NTN1: variants seen among roughly 807,000 people sequenced by gnomAD.
The protein encoded by NTN1 is netrin-1.
Under a neutral mutation model 54.2 loss-of-function variants are expected in NTN1, and 11 were observed. The ratio of observed to expected loss-of-function variants is 0.20; its 90% CI spans 0.13 to 0.34. The LOEUF (loss-of-function observed/expected upper bound fraction) is 0.34, where lower values mean the gene tolerates loss of function less well. Among genes scored for constraint, NTN1 ranks in the 10% least tolerant of loss-of-function variants. NTN1 has a pLI of 1.00. For missense variants in NTN1, 740 were observed against 893.1 expected (o/e 0.83, Z 2.18); for synonymous variants, 371 against 382.0 (o/e 0.97, Z 0.33).
intron 2 of NTN1, among the ~76,000 whole-genome samples, chr17:9,030,962 T>G (rs1336188075): frequency 6.6e-6 from 1 of 152,160 alleles, no homozygotes; most frequent in Admixed American, 6.5e-5. Context: ...GTGTAAGGTC[T>G]CAGCTCGCTG....
chr17:9,072,132 A>T (rs1455646752), intron 2 of NTN1, among the ~76,000 whole-genome samples: 2 of 151,966 alleles, frequency 1.3e-5, no homozygotes, highest in Non-Finnish European at 2.9e-5. Flanking sequence ...CCCCAAGGGG[A>T]GCACTTTCTC....
At chr17:9,148,957 G>C (rs2092320609) in intron 2 of NTN1, among the ~76,000 whole-genome samples, 1 of 152,060 alleles carries the variant, frequency 6.6e-6, no homozygotes, top group Non-Finnish European at 1.5e-5. Context: ...CAAAGGGCTG[G>C]GGAAGGTGTC....
At chr17:9,199,443 T>A (rs1440719809) in intron 5 of NTN1, among the ~76,000 whole-genome samples, 1 of 152,200 alleles carries the variant, frequency 6.6e-6, no homozygotes, top group Non-Finnish European at 1.5e-5. Context: ...CACCCGGCCC[T>A]GCTATTTCTT....
rs75020206 is a variant in NTN1 at position 9,233,377 on chromosome 17, C to T, written c.1487-6263C>T. On this transcript the variant is annotated intron_variant, in intron 6 of 6. Transcript: ENST00000173229. ...GAATGGGCAGCATCTATAACTTCTG[C>T]ACCGGCCGGACAGCTTTCCTACAAC... is the stretch of plus-strand genomic sequence containing the variant. Among the ~76,000 whole-genome samples, 689 of 152,150 alleles carry T rather than the reference C, an allele frequency of 4.5e-3. 13 individuals are homozygous for T. The highest frequency in any genetic ancestry group is 0.016 in the African/African-American group (653 of 41,396).
intron 2 of NTN1, among the ~76,000 whole-genome samples, chr17:9,142,106 G>A (rs1017917494): frequency 4.6e-5 from 7 of 151,350 alleles, no homozygotes; most frequent in African/African-American, 1.5e-4. Context: ...CAGGCTGGGC[G>A]ACAGAGCGAG....
At chr17:9,223,586 C>T (rs72812001) in intron 6 of NTN1, among the ~76,000 whole-genome samples, 32,439 of 151,570 alleles carry the variant, frequency 0.21, 3,759 homozygotes, top group Non-Finnish European at 0.24. Flanking sequence ...GCTCATATGG[C>T]CCCGGAGCTG....
chr17:9,124,394 C>G (rs1369017488), intron 2 of NTN1, among the ~76,000 whole-genome samples: 1 of 152,226 alleles, frequency 6.6e-6, no homozygotes, highest in Non-Finnish European at 1.5e-5. Context: ...CGGCTTCTCT[C>G]CGGATTCCAC....
intron 2 of NTN1, among the ~76,000 whole-genome samples, chr17:9,057,282 C>T (rs982003355): frequency 1.3e-5 from 2 of 152,188 alleles, no homozygotes; most frequent in East Asian, 1.9e-4. Context: ...ATTTTTGCTC[C>T]CACTGAATTT....
chr17:9,154,702 A>G (rs1361354068), intron 2 of NTN1, among the ~76,000 whole-genome samples: 2 of 152,232 alleles, frequency 1.3e-5, no homozygotes, highest in African/African-American at 4.8e-5. Flanking sequence ...GAGCTGAACA[A>G]TTTCTAAATA....
chr17:9,085,104 A>G (rs2092085952), intron 2 of NTN1, among the ~76,000 whole-genome samples: 1 of 152,172 alleles, frequency 6.6e-6, no homozygotes, highest in African/African-American at 2.4e-5. Flanking sequence ...CTGTAGGCTC[A>G]TTTACAGAGA....
intron 2 of NTN1, among the ~76,000 whole-genome samples, chr17:9,108,148 C>T (rs1300105619): frequency 6.6e-6 from 1 of 152,140 alleles, no homozygotes; most frequent in Non-Finnish European, 1.5e-5. Context: ...GGGATTCATG[C>T]GAATTGGGAT....
chr17:9,235,130 T>A lies in NTN1; in HGVS notation c.1487-4510T>A, dbSNP rs1342539349. The stretch of plus-strand genomic sequence containing the variant: ...GGTGTCCACCACCATGCCTGGCTAA[T>A]TTTTTTGTATTTGTAGTAGAGACAG... On this transcript the variant is annotated intron_variant, in intron 6 of 6. Transcript: ENST00000173229. 3.9e-5 allele frequency among the ~76,000 whole-genome samples: 6 copies of A among 152,068 alleles called. No homozygotes were observed. The East Asian group carries it at 1.2e-3, about 29-fold the overall frequency.
intron 6 of NTN1, among the ~76,000 whole-genome samples, chr17:9,235,718 G>GC (rs1307607464): frequency 2.0e-5 from 3 of 151,384 alleles, no homozygotes; most frequent in Non-Finnish European, 4.4e-5. Context: ...GGAACTAGCT[G>GC]CAGCCTCTTC....
the NTN1 span, among the ~76,000 whole-genome samples, chr17:9,006,219 C>T: frequency 1.3e-5 from 2 of 152,130 alleles, no homozygotes; most frequent in African/African-American, 2.4e-5. Context: ...TTATGTAAGC[C>T]ATTTGTAGCT....
chr17:9,127,483 C>T (rs950352221), intron 2 of NTN1, among the ~76,000 whole-genome samples: 5 of 152,144 alleles, frequency 3.3e-5, no homozygotes, highest in Non-Finnish European at 7.4e-5. Flanking sequence ...GCTGCCTGGT[C>T]CCTCTTTGTA....
chr17:9,162,805 C>T lies in NTN1; in HGVS notation c.1019-8C>T, dbSNP rs749492955. On this transcript the variant is annotated splice_region_variant and splice_polypyrimidine_tract_variant and intron_variant, in intron 2 of 6. Transcript: ENST00000173229. ...GCGGCTGACACCTCTCTCTGTCTCC[C>T]CCTGCAGCCTGTAACTGCAACCTGC... 6.2e-7 allele frequency: 1 copy of T among 1,606,440 alleles called. No homozygotes were observed. The highest frequency in any genetic ancestry group is 1.1e-5 in the South Asian group (1 of 90,764).
At chr17:9,017,861 C>T (rs1036937132), upstream of NTN1, among the ~76,000 whole-genome samples, 2 of 152,142 alleles carry the variant, frequency 1.3e-5, no homozygotes, top group African/African-American at 4.8e-5. Context: ...GGAAAGGACA[C>T]TGATGAATTA....
chr17:9,193,650 C>T (rs1022174796), intron 5 of NTN1, among the ~76,000 whole-genome samples: 4 of 152,266 alleles, frequency 2.6e-5, no homozygotes, highest in Middle Eastern at 3.4e-3. Context: ...CGGCTGGGCA[C>T]GGTGGCTCAC....
intron 2 of NTN1, among the ~76,000 whole-genome samples, chr17:9,108,322 A>G (rs2092175272): frequency 6.6e-6 from 1 of 152,130 alleles, no homozygotes; most frequent in Non-Finnish European, 1.5e-5. Flanking sequence ...ACAGAACCAT[A>G]GCTCTGGCAC....
Sources: gnomAD v4.1 joint callset for allele counts (sites outside exome capture counted in the v4.1 genomes callset) on GRCh38, gnomAD v4.1.1 for gene constraint, MANE v1.5 for transcripts, NCBI Gene and HGNC (gene_info 2026-07-23, HGNC 2026-07-21) for gene names.